Variants in MAMLD1 observed in about 807,000 individuals in gnomAD.
The protein encoded by MAMLD1 is mastermind like domain containing 1, also known as mastermind-like domain-containing protein 1.
Under a neutral mutation model 45.0 loss-of-function variants are expected in MAMLD1, and 14 were observed. That is an observed-to-expected ratio of 0.31 (90% CI 0.21 to 0.49). The LOEUF (loss-of-function observed/expected upper bound fraction) is 0.49. Ranked by LOEUF, MAMLD1 falls within the 20% of genes least tolerant of loss-of-function variation. The pLI is 0.99. For synonymous variants in MAMLD1, 254 were observed against 247.8 expected (o/e 1.02, Z -0.24); for missense variants, 543 against 603.6 (o/e 0.90, Z 1.05).
chrX:150,376,874 T>C (rs1221820727), intron 1 of MAMLD1, among the ~76,000 whole-genome samples: 2 of 77,191 alleles, frequency 2.6e-5, no homozygotes, highest in Admixed American at 1.2e-4. Context: ...ATTTTCATTA[T>C]GGAAAAAAAA....
At chrX:150,481,957 G>GAAA (rs1468346974) in intron 5 of MAMLD1, among the ~76,000 whole-genome samples, 144 of 78,666 alleles carry the variant, frequency 1.8e-3, no homozygotes, top group African/African-American at 6.5e-3. Context: ...AAGAAAGAAA[G>GAAA]AAAGAAAAAA....
At chrX:150,481,081 C>G (rs1475856351) in intron 5 of MAMLD1, among the ~76,000 whole-genome samples, 4 of 112,909 alleles carry the variant, frequency 3.5e-5, no homozygotes, top group Admixed American at 1.9e-4. Context: ...AGCAGACCAA[C>G]AGATGAAGGT....
Position 150,420,746 on chromosome X carries a change from G to A in MAMLD1, c.-63-24708G>A, listed in dbSNP as rs782737991. Reference sequence around the variant, plus strand: ...GCTGGGGGTGCCTCCCAGTTAGGCTGCTCGGGGGTCAGGGGTCAGGGACCC... The same window carrying A: ...GCTGGGGGTGCCTCCCAGTTAGGCTACTCGGGGGTCAGGGGTCAGGGACCC... On this transcript the variant is annotated intron_variant, in intron 1 of 7. Transcript: ENST00000370401. Among the ~76,000 whole-genome samples, 11 of 112,684 alleles carry A rather than the reference G, an allele frequency of 9.8e-5. No individual in the cohort carries two copies. In the South Asian group the frequency reaches 4.1e-3, roughly 42 times the overall value.
chrX:150,478,541 C>T (rs1273538387), intron 5 of MAMLD1, among the ~76,000 whole-genome samples: 3 of 111,780 alleles, frequency 2.7e-5, no homozygotes, highest in Non-Finnish European at 3.8e-5. Flanking sequence ...CTAATTCTGG[C>T]GAGAAACATC....
chrX:150,414,028 C>CAAAAAAAAAAAAAAAAAAAAAAAAAAAA (rs56866886), intron 1 of MAMLD1, among the ~76,000 whole-genome samples: 1 of 31,344 alleles, frequency 3.2e-5, no homozygotes. Context: ...CAGAAAACTG[C>CAAAAAAAAAAAAAAAAAAAAAAAAAAAA]AAAAAAAAAA....
intron 1 of MAMLD1, among the ~76,000 whole-genome samples, chrX:150,440,667 T>C (rs2035270524): frequency 9.2e-6 from 1 of 109,010 alleles, no homozygotes; most frequent in African/African-American, 3.3e-5. Context: ...ATTATCCTTT[T>C]CATGTCTGCA....
At chrX:150,486,746 C>G (rs1397990414) in intron 5 of MAMLD1, among the ~76,000 whole-genome samples, 2 of 111,522 alleles carry the variant, frequency 1.8e-5, no homozygotes, top group Non-Finnish European at 3.8e-5. Flanking sequence ...GTTTCAGGGA[C>G]CACTGGTCAC....
At chrX:150,428,703 T>G (rs1450217728) in intron 1 of MAMLD1, among the ~76,000 whole-genome samples, 1 of 112,046 alleles carries the variant, frequency 8.9e-6, no homozygotes, top group Non-Finnish European at 1.9e-5. Flanking sequence ...GTGCTGAGGT[T>G]GTGAGATACC....
At chrX:150,405,535 A>C (rs1422707044) in intron 1 of MAMLD1, among the ~76,000 whole-genome samples, 1 of 111,614 alleles carries the variant, frequency 9.0e-6, no homozygotes, top group Non-Finnish European at 1.9e-5. Flanking sequence ...CCTGGAGCCC[A>C]CCTGTGCAGC....
intron 5 of MAMLD1, among the ~76,000 whole-genome samples, chrX:150,481,947 AAG>A (rs1233515600): frequency 3.2e-5 from 3 of 92,586 alleles, no homozygotes; most frequent in African/African-American, 4.9e-5. Context: ...AGAAAGAAAA[AAG>A]AAAGAAAGAA....
At chrX:150,505,647 G>A (rs2037704181) in intron 6 of MAMLD1, among the ~76,000 whole-genome samples, 1 of 112,058 alleles carries the variant, frequency 8.9e-6, no homozygotes, top group South Asian at 3.7e-4. Context: ...CCAGATCTCG[G>A]CGTTAACAGT....
intron 1 of MAMLD1, among the ~76,000 whole-genome samples, chrX:150,431,123 T>A (rs1239899792): frequency 1.8e-5 from 2 of 112,335 alleles, no homozygotes; most frequent in Non-Finnish European, 3.8e-5. Flanking sequence ...TCATCAGTGT[T>A]GTGTAATTTT....
Position 150,469,882 on chromosome X carries a change from T to A in MAMLD1, c.309T>A (p.Thr103=). 1 of 1,211,943 alleles carries A rather than the reference T, an allele frequency of 8.3e-7. No individual in the cohort carries two copies. The highest frequency in any genetic ancestry group is 1.1e-6 in the Non-Finnish European group (1 of 895,568). ...TGGGCCCAGGTGCTCATCCTAGTAC[T>A]GCTTGTGCAGAACTGCAGGTCCCTC... ...LAMGPGAHPS[T]ACAELQVPPL... The change falls in exon 4 of 8, where the codon ACT becomes ACA. Residue 103 remains threonine, a synonymous_variant. Transcript: ENST00000370401.
At position 150,442,879 on chromosome X, in the gene MAMLD1, T is replaced by C. The variant is rs782542067; in HGVS notation, c.-63-2575T>C. On this transcript the variant is annotated intron_variant, in intron 1 of 7. Coordinates refer to ENST00000370401, the MANE Select transcript of MAMLD1 (RefSeq NM_005491.5). ...TTGTTAGTGTCTCTTGATCTGAGAA[T>C]GTCTTGATCTCCCTTTCATATCTGA... is the stretch of plus-strand genomic sequence containing the variant. Among the ~76,000 whole-genome samples the C allele has an allele frequency of 2.7e-5, 3 of 112,043 alleles. No homozygotes were observed. In the East Asian group the frequency reaches 8.4e-4, roughly 31 times the overall value.
intron 1 of MAMLD1, among the ~76,000 whole-genome samples, chrX:150,437,694 T>C (rs933216720): frequency 2.7e-5 from 3 of 112,220 alleles, no homozygotes; most frequent in African/African-American, 9.7e-5. Flanking sequence ...TACAGATAGA[T>C]GCTATGTACT....
intron 5 of MAMLD1, among the ~76,000 whole-genome samples, chrX:150,478,099 G>T (rs1341833047): frequency 8.9e-6 from 1 of 112,353 alleles, no homozygotes; most frequent in Non-Finnish European, 1.9e-5. Context: ...AGCCCACTCA[G>T]TAGGGCATAA....
intron 1 of MAMLD1, among the ~76,000 whole-genome samples, chrX:150,406,153 A>AGGG (rs2033989487): frequency 3.6e-5 from 4 of 111,311 alleles, no homozygotes; most frequent in Non-Finnish European, 7.5e-5. Context: ...CTCTGGATTG[A>AGGG]ACATGGTGCT....
chrX:150,376,290 G>T (rs1557401463), intron 1 of MAMLD1, among the ~76,000 whole-genome samples: 1 of 112,215 alleles, frequency 8.9e-6, no homozygotes, highest in African/African-American at 3.2e-5. Flanking sequence ...GGTAGGTGGG[G>T]ACTGTGACTG....
intron 1 of MAMLD1, among the ~76,000 whole-genome samples, chrX:150,436,784 T>C (rs1357929143): frequency 8.9e-6 from 1 of 112,063 alleles, no homozygotes; most frequent in Non-Finnish European, 1.9e-5. Context: ...GTGTGGTCAC[T>C]TGGAGGTAAC....
Sources: gnomAD v4.1 joint callset for allele counts (sites outside exome capture counted in the v4.1 genomes callset) on GRCh38, gnomAD v4.1.1 for gene constraint, MANE v1.5 for transcripts, NCBI Gene and HGNC (gene_info 2026-07-23, HGNC 2026-07-21) for gene names.